The following CNTN5 variants were observed in gnomAD, a reference collection of about 807,000 sequenced individuals.
CNTN5 encodes contactin-5.
A neutral mutation model predicts 129.1 loss-of-function variants in CNTN5; 77 were observed. The ratio of observed to expected loss-of-function variants is 0.60; its 90% CI spans 0.50 to 0.72. CNTN5 has a LOEUF of 0.72. Among genes scored for constraint, CNTN5 ranks in the 30% least tolerant of loss-of-function variants. The pLI, the probability that CNTN5 is intolerant of heterozygous loss-of-function variation, is 0.00. For synonymous variants in CNTN5, 509 were observed against 465.6 expected, an observed-to-expected ratio of 1.09 and a Z score of -1.20; for missense variants, 1,478 against 1,328.8, an observed-to-expected ratio of 1.11 and a Z score of -1.75.
intron 13 of CNTN5, among the ~76,000 whole-genome samples, chr11:100,119,072 C>T (rs182859478): frequency 2.0e-5 from 3 of 151,528 alleles, no homozygotes; most frequent in Middle Eastern, 3.4e-3. Context: ...ATATACCAGA[C>T]ATTCTTTGAA....
chr11:99,704,445 G>A (rs915280448), intron 3 of CNTN5, among the ~76,000 whole-genome samples: 18 of 151,032 alleles, frequency 1.2e-4, no homozygotes, highest in Non-Finnish European at 1.3e-4. Flanking sequence ...GTTCCTAGAT[G>A]AAGGTTACAA....
intron 3 of CNTN5, among the ~76,000 whole-genome samples, chr11:99,593,522 A>C (rs1180652918): frequency 8.5e-5 from 13 of 152,162 alleles, no homozygotes; most frequent in Admixed American, 8.5e-4. Context: ...ACAGAATAGT[A>C]ATTTTTTCTT....
At chr11:99,147,967 T>C (rs901733098) in intron 1 of CNTN5, among the ~76,000 whole-genome samples, 1 of 152,076 alleles carries the variant, frequency 6.6e-6, no homozygotes, top group Non-Finnish European at 1.5e-5. Context: ...TTATACAAGA[T>C]AACACAGAAT....
chr11:99,082,761 A>T (rs2135288176), intron 1 of CNTN5, among the ~76,000 whole-genome samples: 1 of 152,350 alleles, frequency 6.6e-6, no homozygotes, highest in South Asian at 2.1e-4. Context: ...TATTACATAA[A>T]TATAGGGTAG....
intron 13 of CNTN5, among the ~76,000 whole-genome samples, chr11:100,123,281 T>G (rs1946085532): frequency 6.6e-6 from 1 of 152,006 alleles, no homozygotes; most frequent in Non-Finnish European, 1.5e-5. Flanking sequence ...GCCACAAGGT[T>G]TTTCTATTAT....
intron 3 of CNTN5, among the ~76,000 whole-genome samples, chr11:99,564,428 T>A (rs1357316413): frequency 6.6e-6 from 1 of 152,110 alleles, no homozygotes; most frequent in African/African-American, 2.4e-5. Flanking sequence ...GACTAAATAT[T>A]TCTCTGTATC....
At chr11:99,575,203 A>C (rs1029663622) in intron 3 of CNTN5, among the ~76,000 whole-genome samples, 1 of 152,188 alleles carries the variant, frequency 6.6e-6, no homozygotes, top group Admixed American at 6.5e-5. Flanking sequence ...TGTCTATATA[A>C]TATTTACTAA....
At chr11:99,375,338 G>C (rs903110742) in intron 2 of CNTN5, among the ~76,000 whole-genome samples, 22 of 129,344 alleles carry the variant, frequency 1.7e-4, no homozygotes, top group South Asian at 8.2e-4. Context: ...GAGAAATAAA[G>C]TGATGAAAGT....
At chr11:99,959,912 G>A (rs935951398) in intron 8 of CNTN5, among the ~76,000 whole-genome samples, 2 of 147,092 alleles carry the variant, frequency 1.4e-5, no homozygotes, top group African/African-American at 5.2e-5. Flanking sequence ...TTGCTTTCTC[G>A]GCTTTTATTT....
intron 17 of CNTN5, among the ~76,000 whole-genome samples, chr11:100,269,767 G>C (rs1056859757): frequency 6.6e-6 from 1 of 152,122 alleles, no homozygotes; most frequent in Non-Finnish European, 1.5e-5. Flanking sequence ...AGAATAAAAG[G>C]GCTGAGCATG....
intron 1 of CNTN5, among the ~76,000 whole-genome samples, chr11:99,313,375 AT>A (rs1034984115): frequency 1.3e-5 from 2 of 152,056 alleles, no homozygotes; most frequent in Non-Finnish European, 2.9e-5. Context: ...TTATTAATAC[AT>A]TTTTATTTGA....
chr11:100,157,304 T>C (rs1466793508), intron 13 of CNTN5, among the ~76,000 whole-genome samples: 1 of 151,934 alleles, frequency 6.6e-6, no homozygotes, highest in African/African-American at 2.4e-5. Context: ...CACATGGTTG[T>C]AGTTTTATAT....
intron 2 of CNTN5, among the ~76,000 whole-genome samples, chr11:99,488,165 T>A (rs1335921712): frequency 1.3e-5 from 2 of 150,904 alleles, no homozygotes; most frequent in African/African-American, 4.9e-5. Context: ...AGAAGTTTTT[T>A]TTTTTTTTTT....
At chr11:99,951,490 C>A (rs952922247) in intron 7 of CNTN5, among the ~76,000 whole-genome samples, 1 of 152,074 alleles carries the variant, frequency 6.6e-6, no homozygotes, top group Admixed American at 6.6e-5. Flanking sequence ...TGCCAATCAG[C>A]TTCTTCAACA....
At chr11:99,059,421 A>G (rs10892724) in intron 1 of CNTN5, among the ~76,000 whole-genome samples, 68,025 of 151,900 alleles carry the variant, frequency 0.45, 16,398 homozygotes, top group Non-Finnish European at 0.55. Context: ...ATTGGTTTCT[A>G]TTACCAGCAT....
intron 20 of CNTN5, 103 bp from the exon 21 acceptor site, chr11:100,308,256 T>C: frequency 9.8e-7 from 1 of 1,024,940 alleles, no homozygotes; most frequent in Admixed American, 2.9e-5. Context: ...CAGCACTTCA[T>C]TTCAAAAATA....
At chr11:99,905,641 A>G (rs774886767) in intron 6 of CNTN5, among the ~76,000 whole-genome samples, 7 of 152,226 alleles carry the variant, frequency 4.6e-5, no homozygotes, top group Non-Finnish European at 8.8e-5. Flanking sequence ...TTGGTTCCAT[A>G]TGAAATTTAA....
chr11:100,024,166 TGTTCTCATGATAGTGAGTGA>T (rs1488161890), intron 9 of CNTN5, among the ~76,000 whole-genome samples: 2 of 152,180 alleles, frequency 1.3e-5, no homozygotes, highest in African/African-American at 4.8e-5. Context: ...TCCTTCATGC[TGTTCTCATGATAGTGAGTGA>T]GTTCTCATGA....
At chr11:99,083,083 G>C (rs1370335520) in intron 1 of CNTN5, among the ~76,000 whole-genome samples, 1 of 151,932 alleles carries the variant, frequency 6.6e-6, no homozygotes, top group Non-Finnish European at 1.5e-5. Flanking sequence ...TAAAGCCAGA[G>C]AATTGACAAG....
Sources: allele counts gnomAD v4.1 joint callset (sites outside exome capture counted in the v4.1 genomes callset), GRCh38; gene constraint gnomAD v4.1.1; transcripts MANE v1.5; gene names NCBI Gene and HGNC (gene_info 2026-07-23, HGNC 2026-07-21).